TMEM232: variants seen among roughly 807,000 people sequenced by gnomAD.
TMEM232 encodes transmembrane protein 232.
Under a neutral mutation model 78.8 loss-of-function variants are expected in TMEM232, and 80 were observed. The ratio of observed to expected loss-of-function variants is 1.01; its 90% CI spans 0.85 to 1.22. TMEM232 has a LOEUF of 1.22. Ranked by LOEUF, TMEM232 falls within the 50% of genes most tolerant of loss-of-function variation. The probability of loss-of-function intolerance (pLI) is 0.00; values close to 1 mark genes in which losing one functional copy is unlikely to be tolerated. For missense variants in TMEM232, 881 were observed against 742.2 expected (o/e 1.19, Z -2.17); for synonymous variants, 297 against 254.3 (o/e 1.17, Z -1.60).
At chr5:110,467,538 A>C (rs1025228136) in intron 12 of TMEM232, among the ~76,000 whole-genome samples, 1 of 152,250 alleles carries the variant, frequency 6.6e-6, no homozygotes, top group Non-Finnish European at 1.5e-5. Context: ...AATAGCTTCA[A>C]AACTATGAAA....
chr5:110,472,981 C>T (rs1762840780), intron 12 of TMEM232, among the ~76,000 whole-genome samples: 1 of 150,750 alleles, frequency 6.6e-6, no homozygotes, highest in Admixed American at 6.6e-5. Context: ...CAGAATAAAA[C>T]ATAGAGTAAA....
chr5:110,515,745 T>C (rs1001791233), intron 12 of TMEM232, among the ~76,000 whole-genome samples: 1 of 152,224 alleles, frequency 6.6e-6, no homozygotes, highest in Non-Finnish European at 1.5e-5. Flanking sequence ...AAATGTTAGC[T>C]ACTCCTGCTT....
At chr5:110,476,733 T>A (rs548189307) in intron 12 of TMEM232, among the ~76,000 whole-genome samples, 1 of 152,196 alleles carries the variant, frequency 6.6e-6, no homozygotes, top group East Asian at 1.9e-4. Context: ...ATTTCCCAGA[T>A]GTAATTATTA....
At chr5:110,438,184 G>A (rs1758638582) in intron 12 of TMEM232, among the ~76,000 whole-genome samples, 1 of 120,474 alleles carries the variant, frequency 8.3e-6, no homozygotes. Context: ...TCAGTATTTT[G>A]AGTAAATTCA....
At chr5:110,620,486 A>G (rs1199891728) in intron 7 of TMEM232, among the ~76,000 whole-genome samples, 1 of 152,024 alleles carries the variant, frequency 6.6e-6, no homozygotes, top group African/African-American at 2.4e-5. Flanking sequence ...TCTTCCCAAG[A>G]TCATCCAAAT....
At chr5:110,663,033 C>T (rs1179335084) in intron 2 of TMEM232, among the ~76,000 whole-genome samples, 1 of 152,040 alleles carries the variant, frequency 6.6e-6, no homozygotes, top group Non-Finnish European at 1.5e-5. Context: ...TCTGACCCAG[C>T]AATTCCACTC....
chr5:110,716,732 C>T (rs961959463), intron 1 of TMEM232, among the ~76,000 whole-genome samples: 6 of 152,100 alleles, frequency 3.9e-5, no homozygotes, highest in African/African-American at 1.4e-4. Context: ...TATGGGGATC[C>T]CTGTTTTACA....
chr5:110,580,792 A>C (rs565176598), intron 10 of TMEM232, among the ~76,000 whole-genome samples: 27 of 151,844 alleles, frequency 1.8e-4, no homozygotes, highest in African/African-American at 5.1e-4. Flanking sequence ...AATAGGTCAC[A>C]ATGAACGTCT....
intron 6 of TMEM232, among the ~76,000 whole-genome samples, chr5:110,626,270 A>T (rs1784415726): frequency 6.6e-6 from 1 of 152,068 alleles, no homozygotes; most frequent in East Asian, 1.9e-4. Flanking sequence ...TTCAAAGTTG[A>T]TCTGCCATAA....
At position 110,699,976 on chromosome 5, in the gene TMEM232, C is replaced by G. The variant is rs550861297; in HGVS notation, c.-13+26651G>C. The stretch of plus-strand genomic sequence containing the variant: ...TAACCACCAGGACTTATGAACCTGA[C>G]TATTGAGATTTATAACAATTAATTT... On this transcript the variant is annotated intron_variant, in intron 1 of 13. Transcript: ENST00000455884. 2.2e-4 allele frequency among the ~76,000 whole-genome samples: 33 copies of G among 152,120 alleles called. 1 individual carries two copies. In the South Asian group the frequency reaches 6.8e-3, roughly 32 times the overall value.
chr5:110,589,360 G>A (rs111789141), intron 10 of TMEM232, among the ~76,000 whole-genome samples: 85 of 152,198 alleles, frequency 5.6e-4, no homozygotes, highest in Middle Eastern at 3.4e-3. Flanking sequence ...AGGAACTTAC[G>A]TTAAAAATAT....
At chr5:110,650,204 T>C (rs1425631075) in intron 2 of TMEM232, among the ~76,000 whole-genome samples, 1 of 152,048 alleles carries the variant, frequency 6.6e-6, no homozygotes, top group African/African-American at 2.4e-5. Context: ...TATATGATTT[T>C]ATTTTCCTTT....
intron 11 of TMEM232, among the ~76,000 whole-genome samples, chr5:110,557,150 C>G (rs1238383960): frequency 6.6e-6 from 1 of 152,098 alleles, no homozygotes; most frequent in Non-Finnish European, 1.5e-5. Context: ...CTTTTCTCAG[C>G]TTGATCTGTT....
At chr5:110,568,272 C>T (rs1241903368) in intron 11 of TMEM232, among the ~76,000 whole-genome samples, 175 bp downstream of exon 11, 1 of 151,812 alleles carries the variant, frequency 6.6e-6, no homozygotes, top group Non-Finnish European at 1.5e-5. Context: ...GTCTAGAGCT[C>T]AACTCTCCTA....
chr5:110,583,515 C>A (rs1778437371), intron 10 of TMEM232, among the ~76,000 whole-genome samples: 3 of 151,664 alleles, frequency 2.0e-5, no homozygotes. Context: ...AAACAGAAGA[C>A]CTGAAACTAA....
At chr5:110,603,077 T>C (rs1321230725) in intron 10 of TMEM232, among the ~76,000 whole-genome samples, 1 of 151,822 alleles carries the variant, frequency 6.6e-6, no homozygotes, top group African/African-American at 2.4e-5. Context: ...CACTCATAAG[T>C]GGGAGTTGAA....
intron 12 of TMEM232, among the ~76,000 whole-genome samples, chr5:110,442,528 G>T (rs939531316): frequency 2.0e-4 from 31 of 151,982 alleles, no homozygotes; most frequent in African/African-American, 7.2e-4. Context: ...TTCCTTCTCT[G>T]TGTTATCTTG....
intron 10 of TMEM232, among the ~76,000 whole-genome samples, chr5:110,581,364 A>G (rs930425797): frequency 1.3e-5 from 2 of 152,010 alleles, no homozygotes; most frequent in African/African-American, 2.4e-5. Context: ...ATGAAGCCAC[A>G]TACTTACAAC....
At chr5:110,683,504 G>C (rs138448613) in intron 1 of TMEM232, among the ~76,000 whole-genome samples, 6 of 151,562 alleles carry the variant, frequency 4.0e-5, no homozygotes, top group Non-Finnish European at 7.4e-5. Flanking sequence ...ATAATCAAAA[G>C]AATAACCAGC....
Sources: gnomAD v4.1 joint callset for allele counts (sites outside exome capture counted in the v4.1 genomes callset) on GRCh38, gnomAD v4.1.1 for gene constraint, MANE v1.5 for transcripts, NCBI Gene and HGNC (gene_info 2026-07-23, HGNC 2026-07-21) for gene names.